Variants in PCDHA1 observed in about 807,000 individuals in gnomAD.
PCDHA1 encodes protocadherin alpha 1.
PCDHA1 carries 42 observed loss-of-function variants against 61.3 expected under a neutral mutation model. The ratio of observed to expected loss-of-function variants is 0.69; its 90% CI spans 0.54 to 0.89. The LOEUF (loss-of-function observed/expected upper bound fraction) is 0.89. Ranked by LOEUF, PCDHA1 falls within the 40% of genes least tolerant of loss-of-function variation. The pLI is 0.00. For missense variants in PCDHA1, 1,256 were observed against 1,235.3 expected (o/e 1.02, Z -0.25); for synonymous variants, 610 against 553.8 (o/e 1.10, Z -1.43).
rs782034470 is a variant in PCDHA1, at chr5:140,788,517, A to G, written c.2227A>G (p.Ser743Gly). 9 of 1,613,954 alleles carry G rather than the reference A, an allele frequency of 5.6e-6. No individual in the cohort carries two copies. In the Admixed American group the frequency reaches 1.5e-4, roughly 27 times the overall value. Residue 743 changes from serine to glycine, a missense_variant, in exon 1 of 4, where the codon AGC (serine) becomes GGC (glycine). Transcript: ENST00000504120. The part of the protein sequence containing the change: ...VPGKPTLVCS[S>G]ALGSWSNSQQ... ...GGGCAAGCCCACTCTGGTGTGCTCC[A>G]GCGCGTTGGGGAGCTGGTCGAACTC...
chr5:140,979,329 C>T (rs782808442), intron 2 of PCDHA1, among the ~76,000 whole-genome samples: 3 of 152,162 alleles, frequency 2.0e-5, no homozygotes, highest in Non-Finnish European at 2.9e-5. Flanking sequence ...TTCTTTTCCT[C>T]CTTTAAAAAC....
chr5:141,002,437 T>C (rs1238744621), intron 3 of PCDHA1, among the ~76,000 whole-genome samples: 1 of 152,186 alleles, frequency 6.6e-6, no homozygotes, highest in Non-Finnish European at 1.5e-5. Context: ...GCAATAACCA[T>C]AATAATTGGC....
intron 1 of PCDHA1, chr5:140,928,001 A>T (rs1252162846): frequency 6.2e-7 from 1 of 1,614,034 alleles, no homozygotes; most frequent in Non-Finnish European, 8.5e-7. Flanking sequence ...GAAGACCTCG[A>T]TTCTAATGGT....
intron 1 of PCDHA1, chr5:140,843,640 C>G: frequency 6.3e-7 from 1 of 1,595,494 alleles, no homozygotes; most frequent in Non-Finnish European, 8.6e-7. Flanking sequence ...TGGCCTTCAG[C>G]CCCTGCCTTC....
chr5:140,871,506 A>G, intron 1 of PCDHA1: 11 of 1,580,864 alleles, frequency 7.0e-6, no homozygotes, highest in Non-Finnish European at 8.6e-6. Flanking sequence ...TGAGTTTTCT[A>G]CAGATTCCAC....
At chr5:140,953,126 C>T (rs1284922743) in intron 1 of PCDHA1, among the ~76,000 whole-genome samples, 2 of 152,096 alleles carry the variant, frequency 1.3e-5, no homozygotes, top group African/African-American at 2.4e-5. Flanking sequence ...AGATCTAAAC[C>T]GTATCACTGT....
In PCDHA1 at chr5:141,010,329, G is replaced by C; in HGVS notation, c.*392G>C. On this transcript the variant is annotated 3_prime_UTR_variant, in exon 4 of 4. Coordinates refer to ENST00000504120, the MANE Select transcript of PCDHA1 (RefSeq NM_018900.4). ...AGTTTTGAGATTGAGCAGCTTGGGAGTTTGTGGCCACTGGGTATGTGTGGC... is the reference window on the plus strand; with the variant it reads ...AGTTTTGAGATTGAGCAGCTTGGGACTTTGTGGCCACTGGGTATGTGTGGC... 6.5e-7 allele frequency: 1 copy of C among 1,538,672 alleles called. No individual in the cohort carries two copies. Among genetic ancestry groups the C allele is most frequent in the Non-Finnish European group, 8.8e-7 (1 of 1,142,532 alleles).
chr5:140,841,081 A>G (rs2150310957), intron 1 of PCDHA1: 5 of 541,186 alleles, frequency 9.2e-6, no homozygotes, highest in East Asian at 3.1e-5. Context: ...TAGAAAGTGC[A>G]TAGAAGAACC....
At chr5:140,792,230 T>G (rs1761701861) in intron 1 of PCDHA1, among the ~76,000 whole-genome samples, 1 of 152,168 alleles carries the variant, frequency 6.6e-6, no homozygotes, top group South Asian at 2.1e-4. Flanking sequence ...TCTTCACATT[T>G]CCTTCTTTCC....
chr5:140,903,987 C>A (rs1324981597), intron 1 of PCDHA1, among the ~76,000 whole-genome samples: 1 of 152,146 alleles, frequency 6.6e-6, no homozygotes, highest in Non-Finnish European at 1.5e-5. Flanking sequence ...CACAATGTAA[C>A]AGCTACAAAT....
At chr5:140,822,314 A>G (rs2150115464) in intron 1 of PCDHA1, 12 of 1,614,202 alleles carry the variant, frequency 7.4e-6, no homozygotes, top group South Asian at 2.2e-5. Context: ...TTTGACTTAG[A>G]TGTTAAAACA....
At chr5:140,922,927 T>C (rs1257564815) in intron 1 of PCDHA1, among the ~76,000 whole-genome samples, 1 of 152,214 alleles carries the variant, frequency 6.6e-6, no homozygotes, top group Non-Finnish European at 1.5e-5. Flanking sequence ...TTCAGACTTT[T>C]ACTTCCAGCA....
chr5:140,925,337 AT>A (rs1197479455), intron 1 of PCDHA1, among the ~76,000 whole-genome samples: 1 of 152,072 alleles, frequency 6.6e-6, no homozygotes, highest in Non-Finnish European at 1.5e-5. Flanking sequence ...TAAAAGAAGG[AT>A]TTGAGTGAGG....
chr5:140,796,491 G>A, intron 1 of PCDHA1: 1 of 1,612,282 alleles, frequency 6.2e-7, no homozygotes. Flanking sequence ...GCTACGTTTC[G>A]GTGCACGCGG....
At chr5:140,857,833 A>C (rs1554150723) in intron 1 of PCDHA1, 1 of 1,597,676 alleles carries the variant, frequency 6.3e-7, no homozygotes. Context: ...AGGTGCGCGC[A>C]GTGGACGCTG....
At chr5:140,966,374 C>A in intron 1 of PCDHA1, 1 of 405,174 alleles carries the variant, frequency 2.5e-6, no homozygotes, top group South Asian at 1.3e-4. Flanking sequence ...GCTGAGCAGT[C>A]CGGGTTCGCT....
At chr5:140,869,231 C>T (rs781820629) in intron 1 of PCDHA1, 29 of 1,613,712 alleles carry the variant, frequency 1.8e-5, no homozygotes, top group Non-Finnish European at 2.3e-5. Context: ...AAACACGGCA[C>T]CTTCGTGGGC....
At chr5:140,857,435 G>A (rs912006741) in intron 1 of PCDHA1, 4 of 1,598,574 alleles carry the variant, frequency 2.5e-6, no homozygotes, top group Admixed American at 3.4e-5. Flanking sequence ...CACGGTGTTC[G>A]TGAAGGAGAA....
At chr5:140,861,372 A>C (rs2046882996) in intron 1 of PCDHA1, 3 of 407,054 alleles carry the variant, frequency 7.4e-6, no homozygotes, top group Non-Finnish European at 1.5e-5. Flanking sequence ...CGCGGTCCCT[A>C]TTGCGCAGGA....
Sources: gnomAD v4.1 joint callset for allele counts (sites outside exome capture counted in the v4.1 genomes callset) on GRCh38, gnomAD v4.1.1 for gene constraint, MANE v1.5 for transcripts, NCBI Gene and HGNC (gene_info 2026-07-23, HGNC 2026-07-21) for gene names.